The following LUZP2 variants were observed in gnomAD, a reference collection of about 807,000 sequenced individuals.
LUZP2 encodes the protein leucine zipper protein 2.
A neutral mutation model predicts 51.6 loss-of-function variants in LUZP2; 52 were observed. The ratio of observed to expected loss-of-function variants is 1.01; its 90% CI spans 0.81 to 1.27. LUZP2 has a LOEUF of 1.27. Among genes scored for constraint, LUZP2 ranks in the 50% most tolerant of loss-of-function variants. LUZP2 has a pLI of 0.00. For missense variants in LUZP2, 436 were observed against 395.4 expected (o/e 1.10, Z -0.87); for synonymous variants, 154 against 137.3 (o/e 1.12, Z -0.85).
At chr11:24,958,350 C>G (rs1590773615) in intron 7 of LUZP2, among the ~76,000 whole-genome samples, 1 of 152,322 alleles carries the variant, frequency 6.6e-6, no homozygotes, top group East Asian at 1.9e-4. Flanking sequence ...AATGGTTGAA[C>G]TAGTTGACAG....
At chr11:24,645,656 A>T (rs1855440255) in intron 1 of LUZP2, among the ~76,000 whole-genome samples, 1 of 152,088 alleles carries the variant, frequency 6.6e-6, no homozygotes, top group African/African-American at 2.4e-5. Context: ...ATCTGCCAGT[A>T]ATTTTTCTCT....
At chr11:24,625,082 G>A (rs1854631649) in intron 1 of LUZP2, among the ~76,000 whole-genome samples, 2 of 152,014 alleles carry the variant, frequency 1.3e-5, no homozygotes, top group Non-Finnish European at 2.9e-5. Flanking sequence ...AATTAAGCCA[G>A]ATGCAGAAAG....
chr11:24,516,482 T>C (rs1035761343), intron 1 of LUZP2, among the ~76,000 whole-genome samples: 1 of 152,182 alleles, frequency 6.6e-6, no homozygotes, highest in South Asian at 2.1e-4. Context: ...AACAAAGACA[T>C]ATAACAGGAT....
In LUZP2 at chr11:24,560,940, A is replaced by G. The variant is rs1184537824; in HGVS notation, c.62+63635A>G. ...TAAAACTGGTAAGAGTATTCCCTGA[A>G]TCACAGAAAAGAGGAAGAGTGTAGA... On this transcript the variant is annotated intron_variant, in intron 1 of 11. Coordinates refer to ENST00000336930, the MANE Select transcript of LUZP2 (RefSeq NM_001009909.4). 2.6e-5 allele frequency among the ~76,000 whole-genome samples: 4 copies of G among 152,188 alleles called. No homozygotes were observed. In the East Asian group the frequency reaches 7.7e-4, roughly 29 times the overall value.
chr11:25,058,434 A>G (rs187806274), intron 10 of LUZP2, among the ~76,000 whole-genome samples: 1 of 152,314 alleles, frequency 6.6e-6, no homozygotes, highest in Admixed American at 6.5e-5. Context: ...TGGCCAAACA[A>G]TAACGTGCAA....
intron 5 of LUZP2, among the ~76,000 whole-genome samples, chr11:24,878,367 C>T (rs1852344673): frequency 6.6e-6 from 1 of 151,842 alleles, no homozygotes. Context: ...TATGTCATAC[C>T]ACTCTCTCCT....
intron 1 of LUZP2, among the ~76,000 whole-genome samples, chr11:24,557,986 G>A (rs1049273388): frequency 6.6e-6 from 1 of 152,126 alleles, no homozygotes; most frequent in Admixed American, 6.6e-5. Flanking sequence ...AGATTGGTGT[G>A]TGAGTTGGTA....
intron 1 of LUZP2, among the ~76,000 whole-genome samples, chr11:24,695,342 T>C (rs1386206039): frequency 6.6e-6 from 1 of 152,092 alleles, no homozygotes; most frequent in African/African-American, 2.4e-5. Context: ...ATAATTGACA[T>C]ATAATAATTA....
intron 5 of LUZP2, among the ~76,000 whole-genome samples, chr11:24,829,139 A>G (rs1471464043): frequency 2.0e-5 from 3 of 152,236 alleles, no homozygotes; most frequent in Non-Finnish European, 4.4e-5. Context: ...GGAAGCAGAT[A>G]AGCCTGAATA....
intron 1 of LUZP2, among the ~76,000 whole-genome samples, chr11:24,512,103 A>G (rs1257859391): frequency 3.9e-5 from 6 of 152,172 alleles, no homozygotes; most frequent in Non-Finnish European, 7.4e-5. Context: ...ATGATAACAG[A>G]GTGATTAATA....
At chr11:24,974,256 C>G (rs1310238649) in intron 7 of LUZP2, among the ~76,000 whole-genome samples, 5 of 151,914 alleles carry the variant, frequency 3.3e-5, no homozygotes, top group South Asian at 2.1e-4. Flanking sequence ...GGATTGCAAC[C>G]TCTGCTTTTT....
chr11:25,070,847 C>A (rs534642456), intron 10 of LUZP2, among the ~76,000 whole-genome samples: 1 of 148,930 alleles, frequency 6.7e-6, no homozygotes, highest in East Asian at 2.0e-4. Flanking sequence ...AACTGCCTGA[C>A]AAAATAAGAA....
At position 24,979,530 on chromosome 11, in the gene LUZP2, A is replaced by T. The variant is rs190265009; in HGVS notation, c.597+2865A>T. Among the ~76,000 whole-genome samples, 432 of 151,996 alleles carry T rather than the reference A, an allele frequency of 2.8e-3. 1 individual carries two copies. The highest frequency in any genetic ancestry group is 9.2e-3 in the African/African-American group (380 of 41,528). On this transcript the variant is annotated intron_variant, in intron 8 of 11. Coordinates refer to ENST00000336930, the MANE Select transcript of LUZP2 (RefSeq NM_001009909.4). ...AAATAACCTTAAGTACTTCATACGT[A>T]TTATGAAAAACTCTTAACACTTCAA...
chr11:24,562,360 A>G (rs1274280867), intron 1 of LUZP2, among the ~76,000 whole-genome samples: 1 of 152,080 alleles, frequency 6.6e-6, no homozygotes, highest in Non-Finnish European at 1.5e-5. Flanking sequence ...CTTAATGATA[A>G]TTTCTGAATG....
At chr11:25,030,398 TTC>T (rs1457224261) in intron 9 of LUZP2, among the ~76,000 whole-genome samples, 3 of 152,134 alleles carry the variant, frequency 2.0e-5, no homozygotes, top group African/African-American at 7.2e-5. Context: ...GCTAAAACCA[TTC>T]TGTTTCATAT....
intron 5 of LUZP2, among the ~76,000 whole-genome samples, chr11:24,807,780 C>T (rs947169335): frequency 1.3e-5 from 2 of 151,956 alleles, no homozygotes; most frequent in African/African-American, 4.8e-5. Context: ...TTCAGGCAAG[C>T]GAGGTCAGAG....
chr11:24,755,042 G>A (rs1171988543), intron 4 of LUZP2, among the ~76,000 whole-genome samples: 1 of 151,824 alleles, frequency 6.6e-6, no homozygotes, highest in South Asian at 2.1e-4. Context: ...CTACTCGGGA[G>A]ACTGAGGCAG....
intron 5 of LUZP2, among the ~76,000 whole-genome samples, chr11:24,812,959 C>T (rs1209293193): frequency 6.6e-6 from 1 of 152,166 alleles, no homozygotes; most frequent in East Asian, 1.9e-4. Context: ...GTTTGTGGTG[C>T]ACTTAATACC....
intron 10 of LUZP2, among the ~76,000 whole-genome samples, chr11:25,051,884 T>C (rs1196886112): frequency 3.3e-5 from 5 of 152,226 alleles, no homozygotes; most frequent in African/African-American, 1.2e-4. Context: ...ACTTTTCTTA[T>C]TGAAGCCTCC....
Sources: gnomAD v4.1 joint callset for allele counts (sites outside exome capture counted in the v4.1 genomes callset) on GRCh38, gnomAD v4.1.1 for gene constraint, MANE v1.5 for transcripts, NCBI Gene and HGNC (gene_info 2026-07-23, HGNC 2026-07-21) for gene names.